The following ARHGAP24 variants were observed in gnomAD, a reference collection of about 807,000 sequenced individuals.
The protein encoded by ARHGAP24 is Rho GTPase activating protein 24.
ARHGAP24 carries 50 observed loss-of-function variants against 76.4 expected under a neutral mutation model. That is an observed-to-expected ratio of 0.65 (90% CI 0.52 to 0.83). ARHGAP24 has a LOEUF of 0.83. Among genes scored for constraint, ARHGAP24 ranks in the 40% least tolerant of loss-of-function variants. The pLI is 0.00. For missense variants in ARHGAP24, 930 were observed against 914.2 expected, an observed-to-expected ratio of 1.02 and a Z score of -0.22; for synonymous variants, 345 against 323.3, an observed-to-expected ratio of 1.07 and a Z score of -0.72.
intron 3 of ARHGAP24, among the ~76,000 whole-genome samples, chr4:85,900,168 A>AAT (rs1734412720): frequency 6.6e-6 from 1 of 152,212 alleles, no homozygotes; most frequent in Admixed American, 6.5e-5. Context: ...TCTACCTGCT[A>AAT]ATCTATATAT....
chr4:85,698,893 G>A (rs879597778), intron 2 of ARHGAP24, among the ~76,000 whole-genome samples: 26 of 152,182 alleles, frequency 1.7e-4, no homozygotes, highest in Non-Finnish European at 3.4e-4. Context: ...AGCCGGTGCT[G>A]TCTTTGTGAT....
In ARHGAP24 at chr4:85,570,391, T is replaced by A; in HGVS notation, c.-20-131T>A. ...CTTTCTTTCTTTCTTTCTTTCTTTC[T>A]TTCTTTCTTTCTTTCTTTCTTTCTT... On this transcript the variant is annotated intron_variant, in intron 1 of 9. Transcript: ENST00000395184. 9.8e-5 allele frequency: 3 copies of A among 30,640 alleles called. 1 individual carries two copies. The highest frequency in any genetic ancestry group is 2.6e-4 in the Non-Finnish European group (3 of 11,454). The allele number at this position is 30,640 out of a possible 1,614,324, so 1.9% of individuals were successfully genotyped here. A position where few individuals can be genotyped will look rare whatever the true frequency, so the allele number is the denominator to read the frequency against.
At chr4:85,973,867 G>A (rs76814235) in intron 6 of ARHGAP24, among the ~76,000 whole-genome samples, 3,512 of 77,218 alleles carry the variant, frequency 0.045, 351 homozygotes, top group African/African-American at 0.19. Context: ...TTTTGAGACA[G>A]AGTCTTGCTC....
intron 3 of ARHGAP24, among the ~76,000 whole-genome samples, chr4:85,822,432 T>C (rs1399560127): frequency 6.6e-6 from 1 of 152,162 alleles, no homozygotes; most frequent in African/African-American, 2.4e-5. Context: ...TGATTTCTTG[T>C]AATGCTGAAT....
chr4:85,971,959 C>G, intron 5 of ARHGAP24, 77 bp from the exon 6 acceptor site: 6 of 1,605,502 alleles, frequency 3.7e-6, no homozygotes, highest in Non-Finnish European at 5.1e-6. Context: ...ATTCTGACTC[C>G]TGGGCTCTTG....
At chr4:85,970,071 C>T (rs1738882871) in intron 5 of ARHGAP24, among the ~76,000 whole-genome samples, 1 of 152,032 alleles carries the variant, frequency 6.6e-6, no homozygotes, top group African/African-American at 2.4e-5. Flanking sequence ...TCTGAGAGAC[C>T]CCAATGTCAA....
intron 1 of ARHGAP24, among the ~76,000 whole-genome samples, chr4:85,502,009 G>A (rs987529259): frequency 2.0e-5 from 3 of 151,930 alleles, no homozygotes; most frequent in Admixed American, 6.5e-5. Context: ...TTTTTGTCAG[G>A]TTTGTCAAAG....
At chr4:85,562,339 G>A (rs1004583739) in intron 1 of ARHGAP24, among the ~76,000 whole-genome samples, 1 of 152,162 alleles carries the variant, frequency 6.6e-6, no homozygotes, top group Non-Finnish European at 1.5e-5. Flanking sequence ...CACTGGATTT[G>A]CACTGTGTCT....
intron 3 of ARHGAP24, among the ~76,000 whole-genome samples, chr4:85,819,361 G>A (rs779957509): frequency 1.3e-5 from 2 of 152,068 alleles, no homozygotes; most frequent in African/African-American, 4.8e-5. Flanking sequence ...TGACAGTTAA[G>A]AAAATTGAAA....
At chr4:85,553,461 T>C (rs1170468440) in intron 1 of ARHGAP24, among the ~76,000 whole-genome samples, 2 of 152,200 alleles carry the variant, frequency 1.3e-5, no homozygotes, top group African/African-American at 2.4e-5. Flanking sequence ...AGAGTGCTGA[T>C]TGGTGCATTT....
rs1403156583 is a variant in ARHGAP24 at position 85,625,950 on chromosome 4, G to C, written c.180+55229G>C. ...AGATCTTCCTCCATCCCTTTATTTT[G>C]AGCCTATGTGTGTCTCTGCACGTGA... On this transcript the variant is annotated intron_variant, in intron 2 of 9. Coordinates refer to ENST00000395184, the MANE Select transcript of ARHGAP24 (RefSeq NM_001025616.3). Among the ~76,000 whole-genome samples, 5 of 151,738 alleles carry C rather than the reference G, an allele frequency of 3.3e-5. No homozygotes were observed. In the South Asian group the frequency reaches 8.3e-4, roughly 25 times the overall value.
chr4:85,891,674 G>A (rs1248774663), intron 3 of ARHGAP24, among the ~76,000 whole-genome samples: 1 of 8,066 alleles, frequency 1.2e-4, no homozygotes, highest in African/African-American at 7.1e-4. Context: ...ATTGATTTGC[G>A]TATATTGAAC....
At chr4:85,739,276 T>A (rs372469248) in intron 3 of ARHGAP24, among the ~76,000 whole-genome samples, 2 of 152,142 alleles carry the variant, frequency 1.3e-5, no homozygotes, top group African/African-American at 4.8e-5. Context: ...CTTCAGGTGG[T>A]CAATATGCAT....
intron 2 of ARHGAP24, among the ~76,000 whole-genome samples, chr4:85,623,079 G>A (rs915118575): frequency 2.6e-5 from 4 of 152,176 alleles, no homozygotes; most frequent in Non-Finnish European, 4.4e-5. Context: ...TTCTTTTGCT[G>A]TGCAGAAGCT....
Position 85,596,797 on chromosome 4 carries a change from T to A in ARHGAP24, c.180+26076T>A, listed in dbSNP as rs72982035. Among the ~76,000 whole-genome samples, 524 of 152,224 alleles carry A rather than the reference T, an allele frequency of 3.4e-3. 1 individual carries two copies. The highest frequency in any genetic ancestry group is 0.012 in the African/African-American group (501 of 41,560). ...GCTATTACATCATTTGATAACTAGA[T>A]TTTTTTACTACACAATTAGGAGTAT... On this transcript the variant is annotated intron_variant, in intron 2 of 9. Coordinates refer to ENST00000395184, the MANE Select transcript of ARHGAP24 (RefSeq NM_001025616.3).
intron 1 of ARHGAP24, among the ~76,000 whole-genome samples, chr4:85,515,062 G>A (rs1324562717): frequency 1.3e-5 from 2 of 152,042 alleles, no homozygotes; most frequent in Non-Finnish European, 2.9e-5. Context: ...GAGAGAGTAC[G>A]TAGAATATTC....
intron 2 of ARHGAP24, among the ~76,000 whole-genome samples, chr4:85,607,825 GC>G: frequency 6.7e-6 from 1 of 150,088 alleles, no homozygotes; most frequent in African/African-American, 2.5e-5. Flanking sequence ...TCAGGGTTTA[GC>G]CCCTTGGTCT....
At chr4:85,587,035 C>T (rs895494356) in intron 2 of ARHGAP24, among the ~76,000 whole-genome samples, 2 of 152,140 alleles carry the variant, frequency 1.3e-5, no homozygotes, top group African/African-American at 4.8e-5. Context: ...GAATAGGCCA[C>T]AACCCAATAT....
At chr4:85,923,976 C>T (rs1342639349) in intron 4 of ARHGAP24, among the ~76,000 whole-genome samples, 3 of 151,796 alleles carry the variant, frequency 2.0e-5, no homozygotes, top group Middle Eastern at 3.4e-3. Flanking sequence ...AACGAACCTT[C>T]TTCTGTGAAT....
Sources: allele counts gnomAD v4.1 joint callset (sites outside exome capture counted in the v4.1 genomes callset), GRCh38; gene constraint gnomAD v4.1.1; transcripts MANE v1.5; gene names NCBI Gene and HGNC (gene_info 2026-07-23, HGNC 2026-07-21).